The following LRRK1 variants were observed in gnomAD, a reference collection of about 807,000 sequenced individuals.
LRRK1 encodes leucine rich repeat kinase 1.
LRRK1 carries 113 observed loss-of-function variants against 209.1 expected under a neutral mutation model. The ratio of observed to expected loss-of-function variants is 0.54; its 90% confidence interval spans 0.46 to 0.63. The LOEUF is 0.63. Among genes scored for constraint, LRRK1 ranks in the 30% least tolerant of loss-of-function variants. The pLI, the probability that LRRK1 is intolerant of heterozygous loss-of-function variation, is 0.00. For missense variants in LRRK1, 2,284 were observed against 2,632.2 expected, an observed-to-expected ratio of 0.87 and a Z score of 2.89; for synonymous variants, 1,144 against 1,099.7, an observed-to-expected ratio of 1.04 and a Z score of -0.80.
chr15:101,030,405 C>T (rs559960025), intron 20 of LRRK1, among the ~76,000 whole-genome samples: 7 of 152,286 alleles, frequency 4.6e-5, no homozygotes, highest in East Asian at 3.9e-4. Flanking sequence ...CTCCTTGGTC[C>T]GCCAAAGGAA....
At chr15:100,948,682 G>A (rs2042589208) in intron 2 of LRRK1, among the ~76,000 whole-genome samples, 2 of 152,036 alleles carry the variant, frequency 1.3e-5, no homozygotes, top group Admixed American at 1.3e-4. Flanking sequence ...TATATTCGGT[G>A]ACCACAATAG....
intron 13 of LRRK1, 174 bp from the exon 14 acceptor site, chr15:101,021,671 A>G (rs1322304557): frequency 3.5e-6 from 2 of 574,876 alleles, no homozygotes; most frequent in Non-Finnish European, 3.1e-6. Context: ...CGTTTCTATC[A>G]CTGATCCTCC....
At chr15:100,941,464 C>CTGTGTGTGTCTGTGTGTGTGTCTGTGTG (rs2042432624) in intron 2 of LRRK1, among the ~76,000 whole-genome samples, 3 of 88,738 alleles carry the variant, frequency 3.4e-5, no homozygotes, top group African/African-American at 1.5e-4. Context: ...GTCTATGTCT[C>CTGTGTGTGTCTGTGTGTGTGTCTGTGTG]TGTGTGTGTG....
In LRRK1 at chr15:101,026,114, AG is replaced by A. The variant is rs1458562726; in HGVS notation, c.2383del (p.Asp795ThrfsTer24). ...PSGSRATGFP[D>X]ITFKHLHEIS... The stretch of plus-strand genomic sequence containing the variant: ...CCGGCTCCAGGGCCACAGGCTTCCC[AG>A]ACATCACCTTCAAACACTTACAGTG... On this transcript the variant is annotated frameshift_variant, in exon 17 of 34. Transcript: ENST00000388948. LOFTEE classifies it high-confidence loss of function. 1 of 1,614,250 alleles carries A rather than the reference AG, an allele frequency of 6.2e-7. No individual in the cohort carries two copies. Among genetic ancestry groups the A allele is most frequent in the South Asian group, 1.1e-5 (1 of 91,086 alleles).
chr15:101,035,088 A>T (rs1002927468), intron 20 of LRRK1, among the ~76,000 whole-genome samples: 2 of 151,600 alleles, frequency 1.3e-5, no homozygotes, highest in African/African-American at 4.8e-5. Context: ...TCTGTATTCC[A>T]TTTTATTTCT....
intron 1 of LRRK1, chr15:100,920,296 C>G (rs1404855979): frequency 1.3e-5 from 2 of 152,238 alleles, no homozygotes; most frequent in Non-Finnish European, 2.9e-5. Flanking sequence ...AAACCTCTCA[C>G]CGTGTACACT....
At position 101,074,213 on chromosome 15, in the gene LRRK1, G is replaced by A. The variant is rs2036901350; in HGVS notation, c.*5365G>A. The A allele has an allele frequency of 6.6e-6, 1 of 151,866 alleles. No individual in the cohort carries two copies. The highest frequency in any genetic ancestry group is 2.1e-4 in the South Asian group (1 of 4,814). The allele number at this position is 151,866 out of a possible 1,614,324, so 9.4% of individuals were successfully genotyped here. On this transcript the variant is annotated 3_prime_UTR_variant, in exon 34 of 34. Transcript: ENST00000388948. ...CATCTGACCTCTCCCCTCCTCCCCA[G>A]GCTGCTCCTTGCCAGGCCGAGCTAG...
At position 101,017,568 on chromosome 15, in the gene LRRK1, T is replaced by C. The variant is rs115904232; in HGVS notation, c.1609+2166T>C. Among the ~76,000 whole-genome samples the C allele has an allele frequency of 1.7e-3, 263 of 152,258 alleles. 1 individual carries two copies. The highest frequency in any genetic ancestry group is 5.6e-3 in the African/African-American group (234 of 41,542). ...ACCTCCTGTCAGATCAGCGGCAGCA[T>C]TGGATTCTCATAGGAGCGCGAACCC... On this transcript the variant is annotated intron_variant, in intron 12 of 33. Coordinates refer to ENST00000388948, the MANE Select transcript of LRRK1 (RefSeq NM_024652.6).
Position 101,015,389 on chromosome 15 carries a change from C to T in LRRK1, c.1596C>T (p.Ser532=), listed in dbSNP as rs752614939. 6.8e-6 allele frequency: 11 copies of T among 1,613,070 alleles called. No homozygotes were observed. Among genetic ancestry groups the T allele is most frequent in the Admixed American group, 5.0e-5 (3 of 59,928 alleles). Residue 532 remains serine (S), a synonymous_variant, in exon 12 of 34, where the codon TCC becomes TCT. Coordinates refer to ENST00000388948, the MANE Select transcript of LRRK1 (RefSeq NM_024652.6). ...AFFTTRGRQR[S]GTEAASVLEF... is the part of the protein sequence containing the mutation. ...TCACCACCAGAGGTCGCCAGCGCTC[C>T]GGGACTGAGGCAGGTGTGTGTGGGT...
intron 31 of LRRK1, among the ~76,000 whole-genome samples, chr15:101,064,076 G>T (rs1298835452): frequency 6.6e-6 from 1 of 152,254 alleles, no homozygotes; most frequent in East Asian, 1.9e-4. Flanking sequence ...CTGCATTCTT[G>T]CACGCGCACC....
In LRRK1 at chr15:100,941,336, CTG is replaced by C. The variant is rs1433921019; in HGVS notation, c.97+16615_97+16616del. On this transcript the variant is annotated intron_variant, in intron 2 of 33. Coordinates refer to ENST00000388948, the MANE Select transcript of LRRK1 (RefSeq NM_024652.6). ...TGTCTGTGTGTGTGTGTCTGTGTCT[CTG>C]TGTGTGTCTTTGTGTGTGTGTGTGT... Among the ~76,000 whole-genome samples the C allele has an allele frequency of 1.9e-3, 128 of 69,112 alleles. 2 individuals are homozygous for C. The highest frequency in any genetic ancestry group is 0.011 in the African/African-American group (114 of 10,398). 45.3% of individuals were successfully genotyped at this position (69,112 alleles called of 152,430 possible).
At chr15:100,969,161 T>C (rs955754703) in intron 2 of LRRK1, among the ~76,000 whole-genome samples, 1 of 152,168 alleles carries the variant, frequency 6.6e-6, no homozygotes, top group Non-Finnish European at 1.5e-5. Flanking sequence ...AATTGGATTG[T>C]TTGTCTTTTT....
intron 4 of LRRK1, among the ~76,000 whole-genome samples, chr15:100,986,349 C>T (rs2031869933): frequency 6.6e-6 from 1 of 152,196 alleles, no homozygotes; most frequent in African/African-American, 2.4e-5. Context: ...AAGAGGGGCT[C>T]CTCTGAGTGT....
At chr15:100,946,936 A>G (rs1435487342) in intron 2 of LRRK1, among the ~76,000 whole-genome samples, 1 of 152,170 alleles carries the variant, frequency 6.6e-6, no homozygotes, top group Non-Finnish European at 1.5e-5. Flanking sequence ...AAGAGCATTA[A>G]CAAAAAGAAC....
At chr15:100,926,478 G>C (rs1187636499) in intron 2 of LRRK1, among the ~76,000 whole-genome samples, 1 of 151,430 alleles carries the variant, frequency 6.6e-6, no homozygotes, top group African/African-American at 2.4e-5. Context: ...CTCCCCTCCT[G>C]GTCAACAGTT....
intron 1 of LRRK1, among the ~76,000 whole-genome samples, chr15:100,922,991 CG>C (rs1440994525): frequency 6.6e-6 from 1 of 152,188 alleles, no homozygotes; most frequent in African/African-American, 2.4e-5. Context: ...TACCTTACTT[CG>C]TGCCCCTACT....
At chr15:101,021,742 A>G (rs2033797338) in intron 13 of LRRK1, 103 bp from the exon 14 acceptor site, 1 of 741,344 alleles carries the variant, frequency 1.3e-6, no homozygotes, top group Admixed American at 2.6e-5. Flanking sequence ...TCTGGGGTAC[A>G]GGCTGCAGAG....
At chr15:101,015,681 G>C (rs1312396229) in intron 12 of LRRK1, among the ~76,000 whole-genome samples, 1 of 152,242 alleles carries the variant, frequency 6.6e-6, no homozygotes, top group Non-Finnish European at 1.5e-5. Context: ...ACACCAGGCA[G>C]TGCCCTAGGC....
intron 2 of LRRK1, among the ~76,000 whole-genome samples, chr15:100,955,920 G>T (rs1185002510): frequency 6.6e-6 from 1 of 152,134 alleles, no homozygotes; most frequent in African/African-American, 2.4e-5. Flanking sequence ...TTGCACCTAA[G>T]TTCAGCAGGG....
Sources: allele counts gnomAD v4.1 joint callset (sites outside exome capture counted in the v4.1 genomes callset), GRCh38; gene constraint gnomAD v4.1.1; transcripts MANE v1.5; gene names NCBI Gene and HGNC (gene_info 2026-07-23, HGNC 2026-07-21).